The following SCHIP1 variants were observed in gnomAD, a reference collection of about 807,000 sequenced individuals.
SCHIP1 encodes schwannomin-interacting protein 1.
A neutral mutation model predicts 29.7 loss-of-function variants in SCHIP1; 8 were observed. The observed-to-expected ratio is 0.27, with a 90% CI of 0.16 to 0.49. The LOEUF (loss-of-function observed/expected upper bound fraction) is 0.49, where lower values mean the gene tolerates loss of function less well. Ranked by LOEUF, SCHIP1 falls within the 20% of genes least tolerant of loss-of-function variation. The probability of loss-of-function intolerance (pLI) is 0.99; values close to 1 mark genes in which losing one functional copy is unlikely to be tolerated. For synonymous variants in SCHIP1, 76 were observed against 94.9 expected, an observed-to-expected ratio of 0.80 and a Z score of 1.16; for missense variants, 193 against 294.6, an observed-to-expected ratio of 0.66 and a Z score of 2.52.
the SCHIP1 span, among the ~76,000 whole-genome samples, chr3:159,369,201 A>G: frequency 6.6e-6 from 1 of 152,178 alleles, no homozygotes. Context: ...TTCAGTAACA[A>G]CCTGTTAACT....
the SCHIP1 span, among the ~76,000 whole-genome samples, chr3:159,750,854 C>T: frequency 6.6e-6 from 1 of 151,766 alleles, no homozygotes; most frequent in Non-Finnish European, 1.5e-5. Context: ...TATCAAAAAC[C>T]TAAGATTTTA....
the SCHIP1 span, among the ~76,000 whole-genome samples, chr3:159,478,045 C>T: frequency 6.6e-6 from 1 of 151,010 alleles, no homozygotes; most frequent in Non-Finnish European, 1.5e-5. Context: ...GCCTCAGCCT[C>T]CAGAGTAGCT....
chr3:159,502,685 T>C, the SCHIP1 span, among the ~76,000 whole-genome samples: 3 of 145,714 alleles, frequency 2.1e-5, no homozygotes. Flanking sequence ...GATGTTCCCC[T>C]TCCTGTGTCC....
At chr3:159,398,777 G>A in the SCHIP1 span, 1 of 154,634 alleles carries the variant, frequency 6.5e-6, no homozygotes, top group Non-Finnish European at 1.4e-5. Flanking sequence ...GATTGGGTGG[G>A]TAGATGTCCC....
chr3:159,719,305 T>C, the SCHIP1 span, among the ~76,000 whole-genome samples: 2 of 152,168 alleles, frequency 1.3e-5, no homozygotes, highest in East Asian at 1.9e-4. Context: ...GGCAATACCA[T>C]TCAGGACATA....
the SCHIP1 span, among the ~76,000 whole-genome samples, chr3:159,620,325 A>G: frequency 6.6e-6 from 1 of 152,366 alleles, no homozygotes; most frequent in East Asian, 1.9e-4. Flanking sequence ...TTCTGGTCCA[A>G]AATGGAAAAT....
At chr3:159,513,053 A>C in the SCHIP1 span, among the ~76,000 whole-genome samples, 2 of 152,256 alleles carry the variant, frequency 1.3e-5, no homozygotes, top group African/African-American at 4.8e-5. Context: ...ATTATTGAAC[A>C]AAGTTTCAGA....
At chr3:159,576,815 G>T in the SCHIP1 span, among the ~76,000 whole-genome samples, 1 of 152,098 alleles carries the variant, frequency 6.6e-6, no homozygotes, top group South Asian at 2.1e-4. Flanking sequence ...ACACACTTAG[G>T]TTTACTAAGA....
At chr3:159,596,253 C>T in the SCHIP1 span, among the ~76,000 whole-genome samples, 1 of 152,194 alleles carries the variant, frequency 6.6e-6, no homozygotes, top group African/African-American at 2.4e-5. Flanking sequence ...AATGAGATAA[C>T]ATCTCACACC....
At chr3:159,275,155 G>A in the SCHIP1 span, 3 of 789,064 alleles carry the variant, frequency 3.8e-6, no homozygotes, top group Non-Finnish European at 4.6e-6. Flanking sequence ...TAGATCCACT[G>A]ATAATTTCCA....
the SCHIP1 span, among the ~76,000 whole-genome samples, chr3:159,745,072 GCCTTT>G: frequency 2.0e-5 from 3 of 152,060 alleles, no homozygotes; most frequent in Admixed American, 1.3e-4. Context: ...CCCTCAGCCT[GCCTTT>G]CCCTATGTGT....
chr3:159,888,779 G>A (rs1208006808), intron 4 of SCHIP1, 41 bp from the exon 6 acceptor site: 5 of 1,608,650 alleles, frequency 3.1e-6, no homozygotes, highest in Non-Finnish European at 4.2e-6. Flanking sequence ...TGTGTTTGTG[G>A]CTCTGTTCAC....
At chr3:159,515,634 A>T in the SCHIP1 span, among the ~76,000 whole-genome samples, 1 of 152,244 alleles carries the variant, frequency 6.6e-6, no homozygotes, top group Admixed American at 6.5e-5. Flanking sequence ...CTTGTTTATC[A>T]TAGCATGGTT....
At chr3:159,572,811 A>G in the SCHIP1 span, among the ~76,000 whole-genome samples, 1 of 152,276 alleles carries the variant, frequency 6.6e-6, no homozygotes, top group Non-Finnish European at 1.5e-5. Flanking sequence ...TATTGGGTGC[A>G]TATATATTTA....
chr3:159,309,948 G>A, the SCHIP1 span, among the ~76,000 whole-genome samples: 8 of 152,016 alleles, frequency 5.3e-5, no homozygotes, highest in African/African-American at 1.7e-4. Context: ...TCATTCTTTA[G>A]GGAAAGCCTC....
At chr3:159,624,800 C>A in the SCHIP1 span, among the ~76,000 whole-genome samples, 1 of 152,104 alleles carries the variant, frequency 6.6e-6, no homozygotes, top group African/African-American at 2.4e-5. Context: ...AGCCTTCCAA[C>A]GAAAAGGTTG....
intron 1 of SCHIP1, among the ~76,000 whole-genome samples, chr3:159,858,339 C>T (rs1327087030): frequency 6.6e-6 from 1 of 152,188 alleles, no homozygotes; most frequent in African/African-American, 2.4e-5. Context: ...GTTGAAACAC[C>T]TCCTCTACCG....
At chr3:159,373,567 T>TC in the SCHIP1 span, among the ~76,000 whole-genome samples, 1 of 152,038 alleles carries the variant, frequency 6.6e-6, no homozygotes, top group Non-Finnish European at 1.5e-5. Context: ...TCTCCCTATT[T>TC]CCCTCAAATT....
At chr3:159,808,928 G>T in the SCHIP1 span, among the ~76,000 whole-genome samples, 1 of 151,404 alleles carries the variant, frequency 6.6e-6, no homozygotes, top group Non-Finnish European at 1.5e-5. Context: ...TTGCATTCTA[G>T]CCTGGGCAAT....
Sources: gnomAD v4.1 joint callset for allele counts (sites outside exome capture counted in the v4.1 genomes callset) on GRCh38, gnomAD v4.1.1 for gene constraint, MANE v1.5 for transcripts, NCBI Gene and HGNC (gene_info 2026-07-23, HGNC 2026-07-21) for gene names.